The following RFT1 variants were observed in gnomAD, a reference collection of about 807,000 sequenced individuals.
The protein encoded by RFT1 is man(5)GlcNAc(2)-PP-dolichol translocation protein RFT1.
A neutral mutation model predicts 62.2 loss-of-function variants in RFT1; 43 were observed. That is an observed-to-expected ratio of 0.69 (90% CI 0.54 to 0.89). RFT1 has a LOEUF of 0.89. Among genes scored for constraint, RFT1 ranks in the 40% least tolerant of loss-of-function variants. The pLI, the probability that RFT1 is intolerant of heterozygous loss-of-function variation, is 0.00. For missense variants in RFT1, 605 were observed against 649.9 expected, an observed-to-expected ratio of 0.93 and a Z score of 0.75; for synonymous variants, 262 against 264.6, an observed-to-expected ratio of 0.99 and a Z score of 0.10.
the RFT1 span, among the ~76,000 whole-genome samples, chr3:53,072,983 C>T: frequency 6.6e-6 from 1 of 152,210 alleles, no homozygotes; most frequent in African/African-American, 2.4e-5. Flanking sequence ...GAGGCTGGCC[C>T]CATGAGCTGA....
At chr3:53,093,635 T>C (rs1342060161) in intron 11 of RFT1, among the ~76,000 whole-genome samples, 1 of 152,008 alleles carries the variant, frequency 6.6e-6, no homozygotes, top group African/African-American at 2.4e-5. Context: ...CCCAGTGCTT[T>C]GAGAGGCTGA....
the RFT1 span, among the ~76,000 whole-genome samples, chr3:53,073,661 G>A: frequency 1.3e-5 from 2 of 152,226 alleles, no homozygotes; most frequent in African/African-American, 4.8e-5. Flanking sequence ...CGGGCGAAGA[G>A]GATTTGGCAG....
chr3:53,098,627 C>T (rs982567018), intron 11 of RFT1, among the ~76,000 whole-genome samples: 1 of 151,792 alleles, frequency 6.6e-6, no homozygotes, highest in South Asian at 2.1e-4. Flanking sequence ...ACGGTGAAAC[C>T]CCATCTCTAC....
chr3:53,097,392 T>A (rs1701173516), intron 11 of RFT1, among the ~76,000 whole-genome samples: 1 of 152,222 alleles, frequency 6.6e-6, no homozygotes, highest in Non-Finnish European at 1.5e-5. Flanking sequence ...ATTTTACTCT[T>A]AGGGGAGGTG....
intron 1 of RFT1, among the ~76,000 whole-genome samples, chr3:53,126,508 G>A (rs963313976): frequency 7.9e-5 from 12 of 152,092 alleles, no homozygotes; most frequent in African/African-American, 2.2e-4. Flanking sequence ...CATTTATATC[G>A]TTCTGAACTT....
chr3:53,123,156 C>T (rs1702016392), intron 3 of RFT1, among the ~76,000 whole-genome samples: 1 of 152,198 alleles, frequency 6.6e-6, no homozygotes, highest in Non-Finnish European at 1.5e-5. Flanking sequence ...AAGGGCAGCA[C>T]TGGGAAATAA....
chr3:53,122,627 G>A, intron 3 of RFT1, 64 bp from the exon 4 acceptor site: 1 of 1,089,658 alleles, frequency 9.2e-7, no homozygotes, highest in Admixed American at 2.8e-5. Context: ...TATTAAAATA[G>A]TAACACTGAA....
the RFT1 span, among the ~76,000 whole-genome samples, chr3:53,072,902 C>T: frequency 1.3e-5 from 2 of 152,246 alleles, no homozygotes; most frequent in African/African-American, 4.8e-5. Flanking sequence ...CTCAGAGGAG[C>T]CCACCGCCCT....
chr3:53,123,270 T>C (rs1702019959), intron 3 of RFT1, among the ~76,000 whole-genome samples: 1 of 152,196 alleles, frequency 6.6e-6, no homozygotes, highest in African/African-American at 2.4e-5. Flanking sequence ...GACTCAGAAC[T>C]GAAGTCACAT....
At position 53,089,947 on chromosome 3, in the gene RFT1, C is replaced by T. The variant is rs920557681; in HGVS notation, c.*1956G>A. On this transcript the variant is annotated 3_prime_UTR_variant, in exon 13 of 13. Coordinates refer to ENST00000296292, the MANE Select transcript of RFT1 (RefSeq NM_052859.4). ...CTGCTTGTAGAGCAGCAGCTCTGTT[C>T]CTGGAGCAGAGAACAGGCACTGTGA... The T allele has an allele frequency of 1.3e-5, 2 of 152,708 alleles. No individual in the cohort carries two copies. The highest frequency in any genetic ancestry group is 1.5e-5 in the Non-Finnish European group (1 of 68,106). The allele number at this position is 152,708 out of a possible 1,614,324, so 9.5% of individuals were successfully genotyped here.
intron 2 of RFT1, among the ~76,000 whole-genome samples, chr3:53,124,834 T>TGGCGGTGCACACCTGTAGGCCCAGCTGC: frequency 6.6e-6 from 1 of 151,626 alleles, no homozygotes; most frequent in African/African-American, 2.4e-5. Context: ...TATTCAGGTG[T>TGGCGGTGCACACCTGTAGGCCCAGCTGC]GGCGGTGCAC....
chr3:53,083,639 A>G (rs1236432770), downstream of RFT1, among the ~76,000 whole-genome samples: 1 of 152,242 alleles, frequency 6.6e-6, no homozygotes, highest in Non-Finnish European at 1.5e-5. Context: ...CTGTGCTTGC[A>G]GATCTGCGGC....
At chr3:53,104,201 T>C (rs1701399889) in intron 9 of RFT1, 104 bp from the exon 10 acceptor site, 1 of 1,183,266 alleles carries the variant, frequency 8.5e-7, no homozygotes, top group African/African-American at 1.5e-5. Context: ...CAGTTCACTC[T>C]TCCAACAGCG....
In RFT1 at chr3:53,130,429, A is replaced by C; in HGVS notation, c.-29T>G. 6.5e-7 allele frequency: 1 copy of C among 1,550,124 alleles called. No homozygotes were observed. Among genetic ancestry groups the C allele is most frequent in the Non-Finnish European group, 8.7e-7 (1 of 1,146,550 alleles). On this transcript the variant is annotated 5_prime_UTR_variant, in exon 1 of 13. Transcript: ENST00000296292. ...CTCCGCGCCAGGCTCAGACACCAGG[A>C]AATGCCGCCGCCACTCCGTTTAGTC...
the RFT1 span, among the ~76,000 whole-genome samples, chr3:53,078,403 T>C: frequency 6.6e-5 from 10 of 152,134 alleles, no homozygotes; most frequent in Non-Finnish European, 1.0e-4. Flanking sequence ...ATAAAATACA[T>C]AATATCAGGA....
intron 1 of RFT1, among the ~76,000 whole-genome samples, chr3:53,126,247 A>C (rs1212072848): frequency 6.6e-6 from 1 of 152,212 alleles, no homozygotes. Flanking sequence ...TAATTTATTA[A>C]TAACAACCAA....
intron 7 of RFT1, among the ~76,000 whole-genome samples, chr3:53,110,662 GA>G (rs1701622776): frequency 6.6e-6 from 1 of 151,992 alleles, no homozygotes; most frequent in African/African-American, 2.4e-5. Flanking sequence ...AGATGGGGGG[GA>G]AATAAAATAA....
intron 5 of RFT1, among the ~76,000 whole-genome samples, chr3:53,121,300 G>A (rs1701960481): frequency 6.6e-6 from 1 of 151,974 alleles, no homozygotes; most frequent in African/African-American, 2.4e-5. Context: ...CACCTATTCT[G>A]CAAAAAAAAG....
chr3:53,091,569 T>A lies in RFT1; in HGVS notation c.*334A>T. On this transcript the variant is annotated 3_prime_UTR_variant, in exon 13 of 13. Transcript: ENST00000296292. ...TTATTAACAGTTAACAATTAAGATA[T>A]AGTTTGTTGGAGCATGTAGCTCCAA... is the stretch of plus-strand genomic sequence containing the variant. 3.2e-6 allele frequency: 1 copy of A among 316,066 alleles called. No individual in the cohort carries two copies. Among genetic ancestry groups the A allele is most frequent in the South Asian group, 3.2e-5 (1 of 31,590 alleles). 19.6% of individuals were successfully genotyped at this position (316,066 alleles called of 1,614,324 possible).
Sources: allele counts gnomAD v4.1 joint callset (sites outside exome capture counted in the v4.1 genomes callset), GRCh38; gene constraint gnomAD v4.1.1; transcripts MANE v1.5; gene names NCBI Gene and HGNC (gene_info 2026-07-23, HGNC 2026-07-21).